The following CNTLN variants were observed in gnomAD, a reference collection of about 807,000 sequenced individuals.
CNTLN encodes centlein.
A neutral mutation model predicts 180.0 loss-of-function variants in CNTLN; 212 were observed. That is an observed-to-expected ratio of 1.18 (90% CI 1.05 to 1.32). CNTLN has a LOEUF of 1.32. Among genes scored for constraint, CNTLN ranks in the 40% most tolerant of loss-of-function variants. The probability of loss-of-function intolerance (pLI) is 0.00; values close to 1 mark genes in which losing one functional copy is unlikely to be tolerated. For missense variants in CNTLN, 2,095 were observed against 1,610.9 expected (o/e 1.30, Z -5.14); for synonymous variants, 722 against 563.1 (o/e 1.28, Z -3.99).
chr9:17,232,440 T>G (rs2132127156), intron 3 of CNTLN, among the ~76,000 whole-genome samples: 1 of 152,062 alleles, frequency 6.6e-6, no homozygotes, highest in African/African-American at 2.4e-5. Flanking sequence ...TAAATAATTC[T>G]CATGAAAGGA....
At chr9:17,211,849 C>G (rs1363921114) in intron 2 of CNTLN, among the ~76,000 whole-genome samples, 2 of 152,044 alleles carry the variant, frequency 1.3e-5, no homozygotes, top group African/African-American at 4.8e-5. Context: ...TGATTTGGCT[C>G]TCTGTTTGTC....
intron 25 of CNTLN, among the ~76,000 whole-genome samples, chr9:17,489,386 ATTAGTCCAATGTTGATTTTT>A (rs1833035951): frequency 6.6e-6 from 1 of 152,084 alleles, no homozygotes; most frequent in Admixed American, 6.6e-5. Context: ...AAAATTACTA[ATTAGTCCAATGTTGATTTTT>A]TTATTCAAAT....
intron 2 of CNTLN, among the ~76,000 whole-genome samples, chr9:17,147,011 T>G (rs1001724687): frequency 2.0e-5 from 3 of 152,204 alleles, no homozygotes; most frequent in Non-Finnish European, 4.4e-5. Flanking sequence ...TTTCTTCAAG[T>G]GTATAATGAA....
downstream of CNTLN, among the ~76,000 whole-genome samples, chr9:17,507,713 C>T (rs781066802): frequency 7.9e-5 from 12 of 152,064 alleles, no homozygotes; most frequent in Non-Finnish European, 1.3e-4. Flanking sequence ...AAAAAAGCTT[C>T]GACTTTTAAT....
chr9:17,442,435 G>C lies in CNTLN; in HGVS notation c.3115-15089G>C, dbSNP rs1201965824. 2.0e-5 allele frequency among the ~76,000 whole-genome samples: 3 copies of C among 152,170 alleles called. No individual in the cohort carries two copies. The East Asian group carries it at 5.8e-4, about 29-fold the overall frequency. ...TGTTTTTGAGATGGAGTCTCGCTCT[G>C]TCACCCAGGCTGGAGTGCAGTGGCA... On this transcript the variant is annotated intron_variant, in intron 18 of 25. Transcript: ENST00000380647.
intron 2 of CNTLN, among the ~76,000 whole-genome samples, chr9:17,211,647 G>T (rs1658068192): frequency 6.6e-6 from 1 of 152,162 alleles, no homozygotes. Context: ...ACCTTGGGCA[G>T]TATGGCCATT....
intron 6 of CNTLN, among the ~76,000 whole-genome samples, chr9:17,283,596 C>CT (rs754949551): frequency 1.3e-5 from 2 of 152,108 alleles, no homozygotes; most frequent in Non-Finnish European, 2.9e-5. Flanking sequence ...GTTTCTTTGT[C>CT]TTCCCTGACT....
At chr9:17,392,191 C>A (rs113836001) in intron 14 of CNTLN, among the ~76,000 whole-genome samples, 29 of 152,174 alleles carry the variant, frequency 1.9e-4, no homozygotes, top group African/African-American at 6.5e-4. Flanking sequence ...CACTTGAGCC[C>A]AGGAGGTCAA....
At chr9:17,232,563 G>A (rs900020217) in intron 3 of CNTLN, among the ~76,000 whole-genome samples, 5 of 152,034 alleles carry the variant, frequency 3.3e-5, no homozygotes, top group Non-Finnish European at 7.4e-5. Flanking sequence ...TTTCAGAATA[G>A]ACAAGATATG....
intron 2 of CNTLN, among the ~76,000 whole-genome samples, chr9:17,172,896 T>C (rs762885329): frequency 3.9e-5 from 6 of 152,180 alleles, no homozygotes; most frequent in Non-Finnish European, 7.3e-5. Flanking sequence ...ATGCTGATGT[T>C]TCATCTTTGA....
chr9:17,394,686 A>G lies in CNTLN; in HGVS notation c.2232A>G (p.Glu744=), dbSNP rs1190688199. ...CAGAGACCAGAGAAAAAGAGCTAGA[A>G]CAGATAATAAAGGGGAGTAAAGATG... ...EDTETREKEL[E]QIIKGSKDVE... Residue 744 remains glutamate, a synonymous_variant, in exon 15 of 26, where the codon GAA becomes GAG. Transcript: ENST00000380647. 1.9e-6 allele frequency: 3 copies of G among 1,613,882 alleles called. No homozygotes were observed. In the South Asian group the frequency reaches 3.3e-5, roughly 18 times the overall value.
chr9:17,521,969 A>G, the CNTLN span, among the ~76,000 whole-genome samples: 4 of 152,204 alleles, frequency 2.6e-5, no homozygotes, highest in East Asian at 7.7e-4. Flanking sequence ...TTCTGCCTAT[A>G]TTATTTTCTA....
At chr9:17,396,864 A>G (rs1277515075) in intron 15 of CNTLN, among the ~76,000 whole-genome samples, 3 of 152,240 alleles carry the variant, frequency 2.0e-5, no homozygotes, top group East Asian at 3.9e-4. Flanking sequence ...CTCAAAAAAC[A>G]TATTCATGAA....
chr9:17,504,315 C>A (rs936216874), downstream of CNTLN, among the ~76,000 whole-genome samples: 4 of 152,110 alleles, frequency 2.6e-5, no homozygotes, highest in Non-Finnish European at 5.9e-5. Flanking sequence ...ATTCCCAACT[C>A]ACAGGAAAGC....
At position 17,279,998 on chromosome 9, in the gene CNTLN, C is replaced by G. The variant is rs1030117546; in HGVS notation, c.983+6132C>G. ...TGTGATGTCTGGCACTGCCTCAGGA[C>G]TCTGCATAGAGTCCCCATGAGGAAG... On this transcript the variant is annotated intron_variant, in intron 6 of 25. Transcript: ENST00000380647. Among the ~76,000 whole-genome samples the G allele has an allele frequency of 2.6e-5, 4 of 152,266 alleles. No individual in the cohort carries two copies. In the South Asian group the frequency reaches 8.3e-4, roughly 32 times the overall value.
chr9:17,374,260 A>G (rs549666346), intron 13 of CNTLN, among the ~76,000 whole-genome samples: 1 of 152,274 alleles, frequency 6.6e-6, no homozygotes, highest in South Asian at 2.1e-4. Context: ...GCTAAAAACT[A>G]CTCTGTAGGA....
chr9:17,213,043 G>T (rs1276424909), intron 2 of CNTLN, among the ~76,000 whole-genome samples: 1 of 151,998 alleles, frequency 6.6e-6, no homozygotes, highest in Admixed American at 6.6e-5. Context: ...TGTTTTTTGT[G>T]TCTCTATCTC....
the CNTLN span, among the ~76,000 whole-genome samples, chr9:17,515,413 A>T: frequency 6.6e-6 from 1 of 152,110 alleles, no homozygotes; most frequent in Non-Finnish European, 1.5e-5. Context: ...ACAATCTATA[A>T]GCTGTCAACT....
intron 8 of CNTLN, among the ~76,000 whole-genome samples, chr9:17,325,534 A>G (rs1466183811): frequency 7.3e-6 from 1 of 136,706 alleles, no homozygotes; most frequent in Non-Finnish European, 1.6e-5. Context: ...GATATGTTAT[A>G]TACACATGTA....
Sources: gnomAD v4.1 joint callset for allele counts (sites outside exome capture counted in the v4.1 genomes callset) on GRCh38, gnomAD v4.1.1 for gene constraint, MANE v1.5 for transcripts, NCBI Gene and HGNC (gene_info 2026-07-23, HGNC 2026-07-21) for gene names.